Variants in SLC22A25 observed in about 807,000 individuals in gnomAD.
SLC22A25 encodes the protein MGI:2442751, MGI:2385316, MGI:3042283, MGI:3645714, MGI:3605624, MGI:2442750.
A neutral mutation model predicts 45.9 loss-of-function variants in SLC22A25; 44 were observed. That is an observed-to-expected ratio of 0.96 (90% confidence interval 0.75 to 1.23). SLC22A25 has a LOEUF of 1.23. Ranked by LOEUF, SLC22A25 falls within the 50% of genes most tolerant of loss-of-function variation. SLC22A25 has a pLI of 0.00. For missense variants in SLC22A25, 800 were observed against 666.4 expected (o/e 1.20, Z -2.21); for synonymous variants, 283 against 238.6 (o/e 1.19, Z -1.72).
intron 7 of SLC22A25, among the ~76,000 whole-genome samples, chr11:63,184,800 G>C (rs184028449): frequency 1.3e-5 from 2 of 152,082 alleles, no homozygotes; most frequent in Non-Finnish European, 2.9e-5. Context: ...TAATAATTCT[G>C]TTTCTACAAT....
intron 7 of SLC22A25, among the ~76,000 whole-genome samples, chr11:63,207,930 TG>T (rs2089451943): frequency 1.3e-5 from 2 of 151,900 alleles, no homozygotes; most frequent in Non-Finnish European, 2.9e-5. Context: ...CCCCACGAAA[TG>T]CTTAAAAGGT....
Position 63,180,783 on chromosome 11 carries a change from A to G in SLC22A25, c.955-8T>C, listed in dbSNP as rs1400126978. Reference sequence around the variant, plus strand: ...CATGGTGGATTTCAAAACCTTCAACAACAACAGAAGCAATAAACTGTTCAG... The same window carrying G: ...CATGGTGGATTTCAAAACCTTCAACGACAACAGAAGCAATAAACTGTTCAG... On this transcript the variant is annotated splice_polypyrimidine_tract_variant and splice_region_variant and intron_variant, in intron 8 of 11. Transcript: ENST00000306494. 2.5e-6 allele frequency: 4 copies of G among 1,603,632 alleles called. No individual in the cohort carries two copies. The highest frequency in any genetic ancestry group is 2.2e-5 in the South Asian group (2 of 90,482).
intron 3 of SLC22A25, among the ~76,000 whole-genome samples, chr11:63,234,684 T>A (rs2090132034): frequency 6.6e-6 from 1 of 152,240 alleles, no homozygotes; most frequent in Non-Finnish European, 1.5e-5. Context: ...GTCATTATGA[T>A]GTTAGCTGGT....
intron 5 of SLC22A25, among the ~76,000 whole-genome samples, chr11:63,227,067 T>C (rs747718904): frequency 2.6e-5 from 4 of 152,144 alleles, no homozygotes; most frequent in Non-Finnish European, 4.4e-5. Context: ...AGAGTAGGTC[T>C]AGAAATGCTG....
intron 7 of SLC22A25, among the ~76,000 whole-genome samples, chr11:63,211,380 C>T (rs989478225): frequency 2.6e-5 from 4 of 152,180 alleles, no homozygotes; most frequent in Non-Finnish European, 5.9e-5. Context: ...GCCACTGTGA[C>T]TATCCATGCC....
rs906530792 is a variant in SLC22A25 at position 63,160,150 on chromosome 11, A to G, written c.*3674T>C. Among the ~76,000 whole-genome samples the G allele has an allele frequency of 6.6e-6, 1 of 152,250 alleles. No homozygotes were observed. The highest frequency in any genetic ancestry group is 2.4e-5 in the African/African-American group (1 of 41,470). On this transcript the variant is annotated 3_prime_UTR_variant, in exon 12 of 12. Coordinates refer to ENST00000306494, the MANE Select transcript of SLC22A25 (RefSeq NM_199352.6). ...ATTCAAGCCTGCTGCAGAAATTTGC[A>G]TAAGTAATGAGGAACCAAAGGTTAA...
intron 7 of SLC22A25, among the ~76,000 whole-genome samples, chr11:63,197,929 C>G (rs2089107430): frequency 6.6e-6 from 1 of 152,170 alleles, no homozygotes; most frequent in Non-Finnish European, 1.5e-5. Flanking sequence ...TGAGCAAACA[C>G]TTCTCAAAAG....
chr11:63,185,691 C>T, intron 7 of SLC22A25, among the ~76,000 whole-genome samples: 1 of 108,920 alleles, frequency 9.2e-6, no homozygotes, highest in Non-Finnish European at 1.8e-5. Context: ...TATCCCTCCC[C>T]CCTCCCCCCA....
At position 63,171,114 on chromosome 11, in the gene SLC22A25, C is replaced by A. The variant is rs540893806; in HGVS notation, c.1071-4856G>T. Among the ~76,000 whole-genome samples the A allele has an allele frequency of 3.9e-5, 6 of 152,132 alleles. No homozygotes were observed. In the South Asian group the frequency reaches 1.2e-3, roughly 32 times the overall value. ...AAAGACCTTCAATCAAATTCAACAC[C>A]CTTCATGGTAAACTACTCAATAAAC... On this transcript the variant is annotated intron_variant, in intron 9 of 11. Transcript: ENST00000306494.
intron 3 of SLC22A25, among the ~76,000 whole-genome samples, chr11:63,234,430 G>A (rs2090127394): frequency 6.6e-6 from 1 of 152,124 alleles, no homozygotes; most frequent in Non-Finnish European, 1.5e-5. Flanking sequence ...TTGGTTTAAA[G>A]TCTGTTTTAT....
At chr11:63,206,147 C>G (rs1308012) in intron 7 of SLC22A25, among the ~76,000 whole-genome samples, 151,913 of 152,344 alleles carry the variant, frequency 1, 75,745 homozygotes, top group Middle Eastern at 1. Context: ...AAAATAATAG[C>G]AGCTATTTAT....
intron 5 of SLC22A25, chr11:63,220,091 T>G: frequency 7.8e-6 from 8 of 1,026,678 alleles, no homozygotes; most frequent in African/African-American, 1.6e-5. Flanking sequence ...ACTGTGACAA[T>G]ATTGTCCTTA....
chr11:63,188,054 C>T lies in SLC22A25; in HGVS notation c.831-4237G>A, dbSNP rs188267157. 1.4e-3 allele frequency among the ~76,000 whole-genome samples: 210 copies of T among 152,260 alleles called. 2 individuals are homozygous for T. Among genetic ancestry groups the T allele is most frequent in the Non-Finnish European group, 1.3e-4 (9 of 68,016 alleles). Reference sequence around the variant, plus strand: ...GGCTTTGGTATCAGGATTATGCTGGCCTCATAAAAGGAGTTAGGGAGGATT... The same window carrying T: ...GGCTTTGGTATCAGGATTATGCTGGTCTCATAAAAGGAGTTAGGGAGGATT... On this transcript the variant is annotated intron_variant, in intron 7 of 11. Coordinates refer to ENST00000306494, the MANE Select transcript of SLC22A25 (RefSeq NM_199352.6).
intron 11 of SLC22A25, 63 bp downstream of exon 11, chr11:63,164,463 A>T: frequency 7.3e-7 from 1 of 1,377,004 alleles, no homozygotes; most frequent in Non-Finnish European, 1.0e-6. Flanking sequence ...TTCCCTTGTT[A>T]AGTGTCAATT....
In SLC22A25 at chr11:63,229,555, T is replaced by G; in HGVS notation, c.98A>C (p.His33Pro). Residue 33 changes from histidine to proline, a missense_variant, in exon 4 of 12, where the codon CAT becomes CCT. Coordinates refer to ENST00000306494, the MANE Select transcript of SLC22A25 (RefSeq NM_199352.6). ...TGCGAAGTTCTCCAGCTGAGTTTGA[T>G]GGTATACTATGACGTTGAACATTAT... ...FLIMFNVIVYHQTQLENFAAF... is the reference protein window; with the variant it reads ...FLIMFNVIVYPQTQLENFAAF... The G allele has an allele frequency of 6.2e-7, 1 of 1,614,118 alleles. No homozygotes were observed. Among genetic ancestry groups the G allele is most frequent in the Non-Finnish European group, 8.5e-7 (1 of 1,179,982 alleles).
intron 9 of SLC22A25, among the ~76,000 whole-genome samples, chr11:63,177,942 G>A (rs2088174471): frequency 8.1e-6 from 1 of 123,888 alleles, no homozygotes; most frequent in Non-Finnish European, 1.7e-5. Flanking sequence ...GTCTCACTCT[G>A]TCTTAAAAGT....
At position 63,235,694 on chromosome 11, in the gene SLC22A25, C is replaced by T. The variant is rs200885831; in HGVS notation, c.-445+2187G>A. On this transcript the variant is annotated intron_variant, in intron 3 of 11. Coordinates refer to ENST00000306494, the MANE Select transcript of SLC22A25 (RefSeq NM_199352.6). ...TTGTTCTGTTGCTGGTGAGGAGCTGCGTTCCTTTAGAGAGGAGAGGTGCTC... is the reference window on the plus strand; with the variant it reads ...TTGTTCTGTTGCTGGTGAGGAGCTGTGTTCCTTTAGAGAGGAGAGGTGCTC... Among the ~76,000 whole-genome samples, 570 of 152,294 alleles carry T rather than the reference C, an allele frequency of 3.7e-3. 5 individuals are homozygous for T. Among genetic ancestry groups the T allele is most frequent in the African/African-American group, 0.013 (534 of 41,562 alleles).
At position 63,159,241 on chromosome 11, in the gene SLC22A25, T is replaced by C. The variant is rs2087516969; in HGVS notation, c.*4583A>G. ...TGTGGGAGTGCAGATACGTCTTTGA[T>C]ATACTTATTTCCTTTCTTTTGGGTA... is the stretch of plus-strand genomic sequence containing the variant. On this transcript the variant is annotated 3_prime_UTR_variant, in exon 12 of 12. Coordinates refer to ENST00000306494, the MANE Select transcript of SLC22A25 (RefSeq NM_199352.6). Among the ~76,000 whole-genome samples, 1 of 152,226 alleles carries C rather than the reference T, an allele frequency of 6.6e-6. No homozygotes were observed. Among genetic ancestry groups the C allele is most frequent in the Non-Finnish European group, 1.5e-5 (1 of 68,044 alleles).
intron 7 of SLC22A25, among the ~76,000 whole-genome samples, chr11:63,205,522 A>C (rs2089376282): frequency 6.6e-6 from 1 of 152,222 alleles, no homozygotes; most frequent in African/African-American, 2.4e-5. Flanking sequence ...AATATTATAA[A>C]CAACCCTATG....
Sources: allele counts gnomAD v4.1 joint callset (sites outside exome capture counted in the v4.1 genomes callset), GRCh38; gene constraint gnomAD v4.1.1; transcripts MANE v1.5; gene names NCBI Gene and HGNC (gene_info 2026-07-23, HGNC 2026-07-21).